SGCZ: variants seen among roughly 807,000 people sequenced by gnomAD.
The protein encoded by SGCZ is zeta-sarcoglycan.
A neutral mutation model predicts 41.3 loss-of-function variants in SGCZ; 40 were observed. The ratio of observed to expected loss-of-function variants is 0.97; its 90% CI spans 0.75 to 1.26. The LOEUF (loss-of-function observed/expected upper bound fraction) is 1.26, where lower values mean the gene tolerates loss of function less well. Ranked by LOEUF, SGCZ falls within the 50% of genes most tolerant of loss-of-function variation. The pLI is 0.00. For synonymous variants in SGCZ, 206 were observed against 137.5 expected (o/e 1.50, Z -3.49); for missense variants, 552 against 369.8 (o/e 1.49, Z -4.04).
intron 2 of SGCZ, among the ~76,000 whole-genome samples, chr8:14,356,931 T>C (rs1334772081): frequency 6.6e-6 from 1 of 152,128 alleles, no homozygotes; most frequent in South Asian, 2.1e-4. Flanking sequence ...GGCATAAGTA[T>C]GCCGATTAAG....
At chr8:14,433,969 C>T (rs972149322) in intron 2 of SGCZ, among the ~76,000 whole-genome samples, 5 of 152,028 alleles carry the variant, frequency 3.3e-5, no homozygotes, top group Admixed American at 2.0e-4. Flanking sequence ...AAAGCTCTTT[C>T]GTTTAAGTCC....
intron 2 of SGCZ, among the ~76,000 whole-genome samples, chr8:14,522,911 TTG>T (rs1308780375): frequency 6.6e-6 from 1 of 151,840 alleles, no homozygotes; most frequent in Non-Finnish European, 1.5e-5. Flanking sequence ...ATATTTTATG[TTG>T]TCTTTTAGTT....
chr8:14,495,971 C>T (rs563968348), intron 2 of SGCZ, among the ~76,000 whole-genome samples: 32 of 152,106 alleles, frequency 2.1e-4, no homozygotes, highest in Non-Finnish European at 4.0e-4. Flanking sequence ...TACAGAGAAA[C>T]AGCTGGAACA....
At chr8:14,474,413 A>G (rs1371552324) in intron 2 of SGCZ, among the ~76,000 whole-genome samples, 1 of 152,220 alleles carries the variant, frequency 6.6e-6, no homozygotes. Context: ...GCACACACAT[A>G]AACTTGTGTG....
intron 1 of SGCZ, among the ~76,000 whole-genome samples, chr8:15,061,865 A>C (rs1447635074): frequency 6.6e-6 from 1 of 152,212 alleles, no homozygotes. Context: ...AAGTTGTTCA[A>C]GTTAAAGCCG....
intron 1 of SGCZ, among the ~76,000 whole-genome samples, chr8:14,838,780 T>C (rs1383989780): frequency 1.3e-5 from 2 of 152,198 alleles, no homozygotes; most frequent in Non-Finnish European, 1.5e-5. Flanking sequence ...TTGTATCTTT[T>C]CGTGGAGCTG....
At chr8:14,548,572 G>T (rs986799307) in intron 2 of SGCZ, among the ~76,000 whole-genome samples, 3 of 152,032 alleles carry the variant, frequency 2.0e-5, no homozygotes, top group African/African-American at 7.2e-5. Context: ...CACGAGAAAT[G>T]CACATAACAA....
chr8:14,983,644 C>A (rs1474580191), intron 1 of SGCZ, among the ~76,000 whole-genome samples: 1 of 152,088 alleles, frequency 6.6e-6, no homozygotes, highest in Non-Finnish European at 1.5e-5. Context: ...CGTGCCCAGC[C>A]TTGTCACTAA....
chr8:15,053,676 G>A (rs1470489670), intron 1 of SGCZ, among the ~76,000 whole-genome samples: 2 of 152,074 alleles, frequency 1.3e-5, no homozygotes, highest in African/African-American at 2.4e-5. Flanking sequence ...ATTTGGGGGG[G>A]TTGGGGGCTC....
chr8:14,219,995 T>C (rs1806136677), intron 4 of SGCZ, among the ~76,000 whole-genome samples: 1 of 152,216 alleles, frequency 6.6e-6, no homozygotes, highest in Admixed American at 6.5e-5. Flanking sequence ...TTGATTGTAA[T>C]GGTTCTCATT....
intron 1 of SGCZ, among the ~76,000 whole-genome samples, chr8:15,225,941 T>C (rs1374015257): frequency 6.6e-6 from 1 of 152,148 alleles, no homozygotes; most frequent in Non-Finnish European, 1.5e-5. Flanking sequence ...CTTTGATCTA[T>C]GCACATCTAC....
intron 2 of SGCZ, among the ~76,000 whole-genome samples, chr8:14,365,421 T>G (rs919647435): frequency 2.0e-5 from 3 of 152,144 alleles, no homozygotes; most frequent in African/African-American, 7.2e-5. Flanking sequence ...AAAGGTTTGA[T>G]GTATCATCTC....
At chr8:14,154,039 AC>A (rs1803800410) in intron 5 of SGCZ, among the ~76,000 whole-genome samples, 1 of 152,058 alleles carries the variant, frequency 6.6e-6, no homozygotes. Flanking sequence ...CCATGTTGGC[AC>A]CCTGATCTCG....
chr8:14,521,704 T>C (rs182744560), intron 2 of SGCZ, among the ~76,000 whole-genome samples: 3 of 152,248 alleles, frequency 2.0e-5, no homozygotes, highest in East Asian at 1.9e-4. Context: ...GTTAATTTCA[T>C]TGAAAAAATA....
intron 1 of SGCZ, among the ~76,000 whole-genome samples, chr8:15,088,249 G>A (rs559263381): frequency 5.9e-5 from 9 of 152,234 alleles, no homozygotes; most frequent in East Asian, 1.9e-4. Context: ...CGCAGTAAGC[G>A]TTAAAACTGA....
chr8:14,394,945 C>T (rs375470355), intron 2 of SGCZ, among the ~76,000 whole-genome samples: 84 of 152,130 alleles, frequency 5.5e-4, no homozygotes, highest in African/African-American at 2.0e-3. Flanking sequence ...TCTAGATTTC[C>T]ATTACTTACT....
intron 2 of SGCZ, among the ~76,000 whole-genome samples, chr8:14,425,118 A>G (rs1799742444): frequency 6.6e-6 from 1 of 152,006 alleles, no homozygotes; most frequent in Non-Finnish European, 1.5e-5. Context: ...CTCTTTGTCC[A>G]GCGACAACAT....
At chr8:14,400,799 A>T (rs1401701807) in intron 2 of SGCZ, among the ~76,000 whole-genome samples, 2 of 152,150 alleles carry the variant, frequency 1.3e-5, no homozygotes, top group Non-Finnish European at 2.9e-5. Flanking sequence ...GCACACATAT[A>T]AAAAAGAATT....
intron 1 of SGCZ, among the ~76,000 whole-genome samples, chr8:14,646,747 A>C (rs1054809323): frequency 2.6e-5 from 4 of 151,960 alleles, no homozygotes; most frequent in African/African-American, 7.2e-5. Context: ...ATTACTTATT[A>C]AAAATTATTT....
Sources: gnomAD v4.1 joint callset for allele counts (sites outside exome capture counted in the v4.1 genomes callset) on GRCh38, gnomAD v4.1.1 for gene constraint, MANE v1.5 for transcripts, NCBI Gene and HGNC (gene_info 2026-07-23, HGNC 2026-07-21) for gene names.